Variants in ATP11A observed in about 807,000 individuals in gnomAD.
ATP11A encodes the protein ATPase phospholipid transporting 11A, also known as phospholipid-transporting ATPase IH.
Under a neutral mutation model 154.4 loss-of-function variants are expected in ATP11A, and 81 were observed. That is an observed-to-expected ratio of 0.52 (90% CI 0.44 to 0.63). The LOEUF is 0.63. Ranked by LOEUF, ATP11A falls within the 30% of genes least tolerant of loss-of-function variation. The probability of loss-of-function intolerance (pLI) is 0.00; values close to 1 mark genes in which losing one functional copy is unlikely to be tolerated. For missense variants in ATP11A, 1,316 were observed against 1,474.3 expected, an observed-to-expected ratio of 0.89 and a Z score of 1.76; for synonymous variants, 623 against 585.9, an observed-to-expected ratio of 1.06 and a Z score of -0.91.
In ATP11A at chr13:112,851,182, A is replaced by T; in HGVS notation, c.1955A>T (p.Asp652Val). The change falls in exon 18 of 30, where the codon GAT becomes GTT. Residue 652 changes from aspartate to valine, a missense_variant. Physicochemically the swap from Asp to Val is radical, Grantham distance 152. Coordinates refer to ENST00000375645, the MANE Select transcript of ATP11A (RefSeq NM_015205.3). ...GAAGCCTATGAGCAAATAGAGAAAG[A>T]TCTTACTCTGCTTGGTGCTACAGCT... ...LAEAYEQIEK[D>V]LTLLGATAVE... The T allele has an allele frequency of 6.2e-7, 1 of 1,614,196 alleles. No homozygotes were observed. Among genetic ancestry groups the T allele is most frequent in the Non-Finnish European group, 8.5e-7 (1 of 1,180,044 alleles).
At chr13:112,871,265 C>T (rs112755605) in intron 25 of ATP11A, among the ~76,000 whole-genome samples, 1,659 of 152,278 alleles carry the variant, frequency 0.011, 32 homozygotes, top group African/African-American at 0.038. Context: ...TCCTGAAACC[C>T]GTGGAATGTA....
intron 1 of ATP11A, among the ~76,000 whole-genome samples, chr13:112,751,640 A>G (rs1190560381): frequency 1.3e-5 from 2 of 152,088 alleles, no homozygotes; most frequent in African/African-American, 4.8e-5. Flanking sequence ...AGCCTGGGCG[A>G]CAGTGAGGCT....
chr13:112,753,356 T>TGGAGAAGGGAGATTTC lies in ATP11A; in HGVS notation c.40-31778_40-31763dup, dbSNP rs1263029367. Among the ~76,000 whole-genome samples the TGGAGAAGGGAGATTTC allele has an allele frequency of 6.6e-6, 1 of 152,232 alleles. No homozygotes were observed. The highest frequency in any genetic ancestry group is 1.5e-5 in the Non-Finnish European group (1 of 68,040). ...TGCGAGGACAGCTTTGGGATCGCTTTGGAGAAGGGAGATTTCTGAGAAGGG... is the reference window on the plus strand; with the variant it reads ...TGCGAGGACAGCTTTGGGATCGCTTTGGAGAAGGGAGATTTCGGAGAAGGGAGATTTCTGAGAAGGG... On this transcript the variant is annotated intron_variant, in intron 1 of 29. Transcript: ENST00000375645. This position sits in a 1 kb window ranked among gnomAD's most constrained non-coding sequence, Gnocchi z 4.1.
chr13:112,729,198 C>G (rs1289709712), intron 1 of ATP11A, among the ~76,000 whole-genome samples: 1 of 152,210 alleles, frequency 6.6e-6, no homozygotes, highest in East Asian at 1.9e-4. Flanking sequence ...GCAGGACTCT[C>G]CACACGTCTG....
intron 2 of ATP11A, among the ~76,000 whole-genome samples, chr13:112,786,172 A>G (rs9550210): frequency 0.28 from 4,134 of 14,850 alleles, 1,677 homozygotes; most frequent in East Asian, 0.86. Flanking sequence ...AATGCGGAAC[A>G]CACGTGCCTG....
At chr13:112,759,420 C>T (rs1423453711) in intron 1 of ATP11A, among the ~76,000 whole-genome samples, 4 of 152,222 alleles carry the variant, frequency 2.6e-5, no homozygotes, top group Non-Finnish European at 5.9e-5. Context: ...CAAGACCCTG[C>T]TCTGAAGACT....
rs2080938605 is a variant in ATP11A at position 112,884,149 on chromosome 13, T to A, written c.*2283T>A. The A allele has an allele frequency of 6.6e-6, 1 of 152,572 alleles. No homozygotes were observed. Among genetic ancestry groups the A allele is most frequent in the Admixed American group, 6.5e-5 (1 of 15,278 alleles). 9.5% of individuals were successfully genotyped at this position (152,572 alleles called of 1,614,324 possible). Reference sequence around the variant, plus strand: ...ATGCGAATTTTCAGATTTGATTTTATTCTCTACACACACCTCTTCTTTTCT... The same window carrying A: ...ATGCGAATTTTCAGATTTGATTTTAATCTCTACACACACCTCTTCTTTTCT... On this transcript the variant is annotated 3_prime_UTR_variant, in exon 30 of 30. Coordinates refer to ENST00000375645, the MANE Select transcript of ATP11A (RefSeq NM_015205.3).
chr13:112,831,728 G>A (rs2079091045), intron 13 of ATP11A, among the ~76,000 whole-genome samples, 180 bp downstream of exon 13: 1 of 152,250 alleles, frequency 6.6e-6, no homozygotes, highest in Admixed American at 6.5e-5. Flanking sequence ...TCTGCTCAGT[G>A]ATACCCGTGT....
At chr13:112,769,408 G>A (rs980345869) in intron 1 of ATP11A, among the ~76,000 whole-genome samples, 1 of 152,254 alleles carries the variant, frequency 6.6e-6, no homozygotes, top group African/African-American at 2.4e-5. Context: ...GCGTTTGGGG[G>A]TGAACTGAAG....
chr13:112,832,972 T>G lies in ATP11A; in HGVS notation c.1508T>G (p.Val503Gly), dbSNP rs143634322. ...RKSPDGGKSC[V>G]YISSSPDEVA... ...TCGCCGGACGGGGGGAAATCCTGTG[T>G]GTACATCTCATCCTCGCCCGACGAG... The change falls in exon 14 of 30, where the codon GTG (valine) becomes GGG (glycine). Residue 503 changes from valine to glycine, a missense_variant. Physicochemically the swap from Val to Gly is moderately radical, Grantham distance 109. Transcript: ENST00000375645. 3.8e-3 allele frequency: 6,078 copies of G among 1,613,838 alleles called. 20 individuals carry two copies. Among genetic ancestry groups the G allele is most frequent in the Non-Finnish European group, 4.4e-3 (5,148 of 1,179,896 alleles).
Position 112,822,894 on chromosome 13 carries a change from C to T in ATP11A, c.726-451C>T, listed in dbSNP as rs553909743. On this transcript the variant is annotated intron_variant, in intron 8 of 29. Transcript: ENST00000375645. ...CTTGTTAGGAGAGGGCTGCTGGGCC[C>T]CACCCCAGGGTTTCAGGTTCTGACT... Among the ~76,000 whole-genome samples, 489 of 152,326 alleles carry T rather than the reference C, an allele frequency of 3.2e-3. 1 individual carries two copies. The highest frequency in any genetic ancestry group is 0.011 in the African/African-American group (461 of 41,564).
chr13:112,822,884 C>T (rs2078835279), intron 8 of ATP11A, among the ~76,000 whole-genome samples: 1 of 152,160 alleles, frequency 6.6e-6, no homozygotes, highest in Non-Finnish European at 1.5e-5. Context: ...TAGGAGAGGG[C>T]TGCTGGGCCC....
chr13:112,789,511 G>A (rs1025902267), intron 2 of ATP11A, among the ~76,000 whole-genome samples: 7 of 149,830 alleles, frequency 4.7e-5, no homozygotes, highest in Non-Finnish European at 7.4e-5. Context: ...AGACCCTTGC[G>A]GAGACCTACT....
At chr13:112,704,476 C>T (rs369503171) in intron 1 of ATP11A, among the ~76,000 whole-genome samples, 3 of 152,236 alleles carry the variant, frequency 2.0e-5, no homozygotes, top group African/African-American at 4.8e-5. Flanking sequence ...GCTCTGCCCC[C>T]GCGTTGTCTT....
intron 1 of ATP11A, among the ~76,000 whole-genome samples, chr13:112,772,036 G>C (rs1222905778): frequency 6.6e-6 from 1 of 152,200 alleles, no homozygotes; most frequent in Non-Finnish European, 1.5e-5. Flanking sequence ...CAGCGGCTGA[G>C]GCAGAGTCCT....
intron 2 of ATP11A, among the ~76,000 whole-genome samples, chr13:112,789,267 CT>C: frequency 6.7e-6 from 1 of 150,002 alleles, no homozygotes; most frequent in Admixed American, 6.6e-5. Flanking sequence ...GATGCGTAGA[CT>C]CCTGTGGAGA....
At chr13:112,711,259 A>G (rs556255605) in intron 1 of ATP11A, among the ~76,000 whole-genome samples, 1 of 152,226 alleles carries the variant, frequency 6.6e-6, no homozygotes, top group South Asian at 2.1e-4. Context: ...TCGCTTAAAA[A>G]AGTGGCTTGA....
chr13:112,698,181 C>T (rs185402320), intron 1 of ATP11A, among the ~76,000 whole-genome samples: 1 of 152,070 alleles, frequency 6.6e-6, no homozygotes, highest in Non-Finnish European at 1.5e-5. Flanking sequence ...TTGGAAGTCT[C>T]GTGACTCCTG....
chr13:112,690,478 G>T lies in ATP11A; in HGVS notation c.39+23G>T. ...TACGTGAGTGCTCCCGGCGCGGGCT[G>T]GGGGACCCGGGGACCAGACAGACGC... On this transcript the variant is annotated intron_variant, in intron 1 of 29. Transcript: ENST00000375645. This position sits in a 1 kb window ranked among gnomAD's most constrained non-coding sequence, Gnocchi z 5.6. The T allele has an allele frequency of 7.5e-7, 1 of 1,328,752 alleles. No homozygotes were observed. Among genetic ancestry groups the T allele is most frequent in the East Asian group, 2.9e-5 (1 of 34,654 alleles). 82.3% of individuals were successfully genotyped at this position (1,328,752 alleles called of 1,614,324 possible).
Sources: allele counts gnomAD v4.1 joint callset (sites outside exome capture counted in the v4.1 genomes callset), GRCh38; gene constraint gnomAD v4.1.1; non-coding constraint Gnocchi (gnomAD v3.1); transcripts MANE v1.5; gene names NCBI Gene and HGNC (gene_info 2026-07-23, HGNC 2026-07-21).